JADE2: variants seen among roughly 807,000 people sequenced by gnomAD.
JADE2 encodes E3 ubiquitin-protein ligase Jade-2.
Under a neutral mutation model 85.7 loss-of-function variants are expected in JADE2, and 13 were observed. The observed-to-expected ratio is 0.15, with a 90% confidence interval of 0.10 to 0.24. JADE2 has a LOEUF of 0.24. JADE2 is among the 10% of genes least tolerant of loss of function. The probability of loss-of-function intolerance (pLI) is 1.00; values close to 1 mark genes in which losing one functional copy is unlikely to be tolerated. For missense variants in JADE2, 846 were observed against 1,115.9 expected (o/e 0.76, Z 3.45); for synonymous variants, 440 against 456.1 (o/e 0.96, Z 0.45).
intron 3 of JADE2, among the ~76,000 whole-genome samples, chr5:134,543,302 T>A (rs1409047732): frequency 6.7e-6 from 1 of 148,216 alleles, no homozygotes; most frequent in Non-Finnish European, 1.5e-5. Context: ...AGTGCTGGGA[T>A]TACAGGCGTG....
chr5:134,573,520 C>T (rs1016702239), intron 9 of JADE2, 125 bp from the exon 10 acceptor site: 2 of 739,004 alleles, frequency 2.7e-6, no homozygotes, highest in Admixed American at 4.3e-5. Flanking sequence ...ATGTTCTGGG[C>T]AGGATAGGCT....
In JADE2 at chr5:134,535,845, C is replaced by T; in HGVS notation, c.1-13C>T. 4 of 1,613,688 alleles carry T rather than the reference C, an allele frequency of 2.5e-6. No homozygotes were observed. ...GCCATCCGTGAGTATAATGGGCTTG[C>T]CTTTTGTTGCAGATGGAAGAGAAGA... is the stretch of plus-strand genomic sequence containing the variant. On this transcript the variant is annotated splice_polypyrimidine_tract_variant and intron_variant, in intron 1 of 11. Coordinates refer to ENST00000681547, the MANE Select transcript of JADE2 (RefSeq NM_001388185.1).
intron 1 of JADE2, chr5:134,533,650 GT>G (rs1267920176): frequency 3.4e-6 from 3 of 890,920 alleles, no homozygotes; most frequent in Non-Finnish European, 4.0e-6. Flanking sequence ...ACAAAGCTGG[GT>G]TGCGCTGGGC....
intron 1 of JADE2, among the ~76,000 whole-genome samples, chr5:134,535,267 G>A (rs1248551480): frequency 6.6e-6 from 1 of 152,194 alleles, no homozygotes; most frequent in Non-Finnish European, 1.5e-5. Context: ...GCCCAGCCCA[G>A]GACCAGTCAC....
At chr5:134,577,449 T>C (rs1002056326) in intron 11 of JADE2, among the ~76,000 whole-genome samples, 2 of 152,132 alleles carry the variant, frequency 1.3e-5, no homozygotes, top group Non-Finnish European at 2.9e-5. Context: ...CCTCCAGAGA[T>C]CTCAGGGAGC....
In JADE2 at chr5:134,579,286, A is replaced by G. The variant is rs1303905959; in HGVS notation, c.2474A>G (p.Glu825Gly). 6.2e-7 allele frequency: 1 copy of G among 1,611,952 alleles called. No individual in the cohort carries two copies. Among genetic ancestry groups the G allele is most frequent in the Admixed American group, 1.7e-5 (1 of 59,940 alleles). ...GGTCCCCGGGAGGCAGGGGCAGAGG[A>G]GGTGGTCCGCATGGGCGTACTGGCC... ...QRGPREAGAE[E>G]VVRMGVLAS The change falls in exon 12 of 12, where the codon GAG (glutamate) becomes GGG (glycine). Residue 825 changes from glutamate to glycine, a missense_variant. Physicochemically the swap from Glu to Gly is moderately conservative, Grantham distance 98. This residue lies in a region of JADE2 where 300 missense variants were observed against 300.7 expected (regional missense o/e 1.00). Coordinates refer to ENST00000681547, the MANE Select transcript of JADE2 (RefSeq NM_001388185.1). The surrounding 1 kb of genome is among the most constrained non-coding windows in gnomAD (Gnocchi z 4.6).
chr5:134,538,688 C>T (rs1424399710), intron 3 of JADE2, among the ~76,000 whole-genome samples: 1 of 152,136 alleles, frequency 6.6e-6, no homozygotes, highest in African/African-American at 2.4e-5. Context: ...CCTGGACCCT[C>T]CTTCTGGGGT....
intron 2 of JADE2, chr5:134,536,840 A>T (rs139492068): frequency 2.6e-5 from 4 of 152,320 alleles, no homozygotes; most frequent in Non-Finnish European, 4.4e-5. Flanking sequence ...CACACTTATG[A>T]GCAAGTAAGA....
At chr5:134,538,622 A>G (rs890845898) in intron 3 of JADE2, among the ~76,000 whole-genome samples, 5 of 152,024 alleles carry the variant, frequency 3.3e-5, no homozygotes, top group African/African-American at 1.2e-4. Flanking sequence ...CAGCAGGTAG[A>G]GGTTTATGGC....
intron 9 of JADE2, among the ~76,000 whole-genome samples, chr5:134,569,500 CTG>C (rs1458565272): frequency 6.6e-6 from 1 of 152,224 alleles, no homozygotes. Context: ...TTATTTACGG[CTG>C]ACAAAAATCG....
chr5:134,555,089 G>A (rs368235644), intron 4 of JADE2, among the ~76,000 whole-genome samples: 90 of 151,948 alleles, frequency 5.9e-4, no homozygotes, highest in African/African-American at 2.1e-3. Flanking sequence ...CTGTGCCCCC[G>A]TCATCCCAGC....
intron 1 of JADE2, among the ~76,000 whole-genome samples, chr5:134,535,103 G>A (rs1183516480): frequency 1.3e-5 from 2 of 152,348 alleles, no homozygotes; most frequent in East Asian, 1.9e-4. Flanking sequence ...AGGAACAGGA[G>A]ATGATGTGGA....
chr5:134,542,682 TC>T (rs1224649039), intron 3 of JADE2, among the ~76,000 whole-genome samples: 3 of 152,124 alleles, frequency 2.0e-5, no homozygotes, highest in Non-Finnish European at 4.4e-5. Context: ...CCTCAGGTGA[TC>T]CGCCTGCCTC....
intron 3 of JADE2, among the ~76,000 whole-genome samples, chr5:134,539,343 A>G (rs11242222): frequency 0.17 from 25,891 of 151,494 alleles, 2,719 homozygotes; most frequent in Middle Eastern, 0.34. Context: ...GATTACAGGC[A>G]TGAGCCACCG....
chr5:134,575,215 G>A (rs145041835), intron 10 of JADE2: 4 of 152,424 alleles, frequency 2.6e-5, no homozygotes, highest in African/African-American at 9.6e-5. Flanking sequence ...GGTTTGCCCT[G>A]TCCAAAGCTG....
rs1764669952 is a variant in JADE2 at position 134,580,672 on chromosome 5, A to G, written c.*1355A>G. ...TGCAAAAAGTCCAGTGAATCAGTCG[A>G]ATCATTCTGTGGATGCCAAAGAATA... On this transcript the variant is annotated 3_prime_UTR_variant, in exon 12 of 12. Transcript: ENST00000681547. 1 of 152,530 alleles carries G rather than the reference A, an allele frequency of 6.6e-6. No individual in the cohort carries two copies. Among genetic ancestry groups the G allele is most frequent in the South Asian group, 2.1e-4 (1 of 4,828 alleles). The allele number at this position is 152,530 out of a possible 1,614,324, so 9.4% of individuals were successfully genotyped here.
At chr5:134,525,273 T>C (rs1368787399), upstream of JADE2, among the ~76,000 whole-genome samples, 1 of 149,960 alleles carries the variant, frequency 6.7e-6, no homozygotes, top group Non-Finnish European at 1.5e-5. Flanking sequence ...GGGGTATGTG[T>C]GTGAGTGTGT....
chr5:134,559,963 C>T lies in JADE2; in HGVS notation c.445C>T (p.Leu149Phe), dbSNP rs775404385. ...LDEIDAYWLE[L>F]INSELKEMER... Reference sequence around the variant, plus strand: ...CGAGATTGATGCCTACTGGCTGGAGCTCATCAACTCGGAGCTTAAGGAGAT... The same window carrying T: ...CGAGATTGATGCCTACTGGCTGGAGTTCATCAACTCGGAGCTTAAGGAGAT... Residue 149 changes from leucine to phenylalanine, a missense_variant, in exon 5 of 12, where the codon CTC becomes TTC. By Grantham distance (22) the Leu-to-Phe change is conservative (BLOSUM62 0). Transcript: ENST00000681547. 3 of 1,614,004 alleles carry T rather than the reference C, an allele frequency of 1.9e-6. No homozygotes were observed. The highest frequency in any genetic ancestry group is 1.3e-5 in the African/African-American group (1 of 74,940).
rs1300718548 is a variant in JADE2, at chr5:134,527,148, C to T, written c.-1+1137C>T. Among the ~76,000 whole-genome samples the T allele has an allele frequency of 2.6e-5, 4 of 151,848 alleles. No individual in the cohort carries two copies. The East Asian group carries it at 7.8e-4, about 30-fold the overall frequency. On this transcript the variant is annotated intron_variant, in intron 1 of 11. Transcript: ENST00000681547. ...CCTAGCGCTGCTGCAGTCCCTTTGC[C>T]GGATCCCCGGCCCCGCCCCGCCCCC...
Sources: allele counts gnomAD v4.1 joint callset (sites outside exome capture counted in the v4.1 genomes callset), GRCh38; gene constraint gnomAD v4.1.1; regional missense constraint gnomAD v4.1.1; non-coding constraint Gnocchi (gnomAD v3.1); transcripts MANE v1.5; gene names NCBI Gene and HGNC (gene_info 2026-07-23, HGNC 2026-07-21).